The following ROBO2 variants were observed in gnomAD, a reference collection of about 807,000 sequenced individuals.
The protein encoded by ROBO2 is roundabout homolog 2.
Under a neutral mutation model 160.8 loss-of-function variants are expected in ROBO2, and 53 were observed. The ratio of observed to expected loss-of-function variants is 0.33; its 90% CI spans 0.26 to 0.41. The LOEUF (loss-of-function observed/expected upper bound fraction) is 0.41, where lower values mean the gene tolerates loss of function less well. Ranked by LOEUF, ROBO2 falls within the 10% of genes least tolerant of loss-of-function variation. The pLI, the probability that ROBO2 is intolerant of heterozygous loss-of-function variation, is 1.00. For synonymous variants in ROBO2, 664 were observed against 611.7 expected, an observed-to-expected ratio of 1.09 and a Z score of -1.26; for missense variants, 1,577 against 1,722.4, an observed-to-expected ratio of 0.92 and a Z score of 1.49.
At chr3:76,180,550 C>T (rs1354978290) in intron 2 of ROBO2, among the ~76,000 whole-genome samples, 1 of 152,072 alleles carries the variant, frequency 6.6e-6, no homozygotes, top group African/African-American at 2.4e-5. Context: ...TCTCACCATC[C>T]TCCTATTCCT....
chr3:76,604,699 G>T (rs189100917), intron 2 of ROBO2, among the ~76,000 whole-genome samples: 2 of 152,130 alleles, frequency 1.3e-5, no homozygotes, highest in African/African-American at 4.8e-5. Context: ...ATGCCAGGAA[G>T]TTTTCATGCT....
chr3:77,536,764 TG>T (rs1323072733), intron 6 of ROBO2, among the ~76,000 whole-genome samples: 1 of 152,330 alleles, frequency 6.6e-6, no homozygotes, highest in South Asian at 2.1e-4. Context: ...AATTCATTTT[TG>T]TAGAAATTTA....
intron 2 of ROBO2, among the ~76,000 whole-genome samples, chr3:76,800,573 A>C (rs1379499518): frequency 1.3e-5 from 2 of 152,238 alleles, no homozygotes; most frequent in Non-Finnish European, 2.9e-5. Flanking sequence ...ATCTGAATAG[A>C]CAGTTCTCAA....
chr3:76,792,941 CTG>C (rs1285552425), intron 2 of ROBO2, among the ~76,000 whole-genome samples: 2 of 151,744 alleles, frequency 1.3e-5, no homozygotes. Context: ...GTATACTTAA[CTG>C]TTTAAATTTT....
At chr3:76,848,849 G>A (rs572771118) in intron 2 of ROBO2, among the ~76,000 whole-genome samples, 13 of 152,138 alleles carry the variant, frequency 8.5e-5, no homozygotes, top group Non-Finnish European at 1.5e-4. Context: ...GAATATTGGG[G>A]GAGACACAAA....
intron 2 of ROBO2, among the ~76,000 whole-genome samples, chr3:77,168,982 A>G (rs1406238015): frequency 2.6e-5 from 4 of 152,176 alleles, no homozygotes; most frequent in African/African-American, 9.7e-5. Flanking sequence ...GAGCAACAGG[A>G]AATGGAGAGC....
chr3:77,237,183 CTTTTTT>C (rs34992972), intron 2 of ROBO2, among the ~76,000 whole-genome samples: 6 of 107,114 alleles, frequency 5.6e-5, no homozygotes, highest in Non-Finnish European at 9.1e-5. Flanking sequence ...CTTGACCTTT[CTTTTTT>C]TTTTTTTTTT....
chr3:76,508,197 C>T (rs1257589465), intron 2 of ROBO2, among the ~76,000 whole-genome samples: 3 of 152,076 alleles, frequency 2.0e-5, no homozygotes, highest in African/African-American at 7.2e-5. Flanking sequence ...TTTCTTAAAA[C>T]CTTTAACATG....
chr3:76,221,086 A>T (rs1000540452), intron 2 of ROBO2, among the ~76,000 whole-genome samples: 11 of 152,204 alleles, frequency 7.2e-5, no homozygotes, highest in African/African-American at 2.4e-4. Context: ...TCCATTGAGA[A>T]GTAGTAGTTC....
At chr3:75,955,494 G>C (rs571684681) in intron 2 of ROBO2, among the ~76,000 whole-genome samples, 1 of 151,678 alleles carries the variant, frequency 6.6e-6, no homozygotes, top group East Asian at 2.0e-4. Flanking sequence ...AATGTTTAGG[G>C]GGGAGGGGAG....
chr3:76,090,814 T>G (rs2069202032), intron 2 of ROBO2, among the ~76,000 whole-genome samples: 1 of 152,106 alleles, frequency 6.6e-6, no homozygotes, highest in African/African-American at 2.4e-5. Context: ...AGTTAACTGA[T>G]CTTGATGAAG....
rs1004273564 is a variant in ROBO2 at position 76,563,707 on chromosome 3, C to G, written c.110-534307C>G. 7.9e-5 allele frequency among the ~76,000 whole-genome samples: 12 copies of G among 152,254 alleles called. No homozygotes were observed. The East Asian group carries it at 2.1e-3, about 27-fold the overall frequency. On this transcript the variant is annotated intron_variant, in intron 2 of 26. Transcript: ENST00000487694. ...GTAGATTAACTTAAACATTTGAACA[C>G]AGCTAATGTCCCTAAGAGACAGTAT...
chr3:77,034,772 T>C (rs928260610), intron 2 of ROBO2, among the ~76,000 whole-genome samples: 1 of 151,974 alleles, frequency 6.6e-6, no homozygotes, highest in Non-Finnish European at 1.5e-5. Context: ...GGATTTAAAA[T>C]AAATTTTTCT....
At chr3:76,889,005 C>T (rs2074134465) in intron 2 of ROBO2, among the ~76,000 whole-genome samples, 2 of 152,184 alleles carry the variant, frequency 1.3e-5, no homozygotes, top group South Asian at 4.1e-4. Flanking sequence ...GGATCTTCAT[C>T]ATTTTTATTC....
At chr3:77,467,611 CTATCTATCTATCTATCTATCATCT>C (rs1348304812) in intron 2 of ROBO2, among the ~76,000 whole-genome samples, 2 of 150,446 alleles carry the variant, frequency 1.3e-5, no homozygotes, top group East Asian at 4.0e-4. Context: ...ATCTATCTAT[CTATCTATCTATCTATCTATCATCT>C]ATCTATCTAT....
At chr3:76,910,804 A>G (rs2075947571) in intron 2 of ROBO2, among the ~76,000 whole-genome samples, 2 of 151,750 alleles carry the variant, frequency 1.3e-5, no homozygotes, top group Non-Finnish European at 2.9e-5. Flanking sequence ...CTAAGTGAAT[A>G]TATATGAGGA....
exon 7 of ROBO2, chr3:77,546,367 G>T: frequency 1.2e-6 from 2 of 1,613,266 alleles, no homozygotes; most frequent in Non-Finnish European, 8.5e-7. Flanking sequence ...TCGGCCAAGA[G>T]ATCAGATTGT....
chr3:77,070,193 C>A (rs1475685363), intron 1 of ROBO2, among the ~76,000 whole-genome samples: 2 of 152,120 alleles, frequency 1.3e-5, no homozygotes, highest in South Asian at 4.1e-4. Context: ...ACCAACTCTG[C>A]CAACATCTTG....
At chr3:76,829,965 G>A (rs557400610) in intron 2 of ROBO2, among the ~76,000 whole-genome samples, 2 of 152,320 alleles carry the variant, frequency 1.3e-5, no homozygotes, top group Admixed American at 6.5e-5. Context: ...ACCGTACCCA[G>A]CCTAGATGCT....
Sources: allele counts gnomAD v4.1 joint callset (sites outside exome capture counted in the v4.1 genomes callset), GRCh38; gene constraint gnomAD v4.1.1; transcripts MANE v1.5; gene names NCBI Gene and HGNC (gene_info 2026-07-23, HGNC 2026-07-21).